Variants in LRRIQ1 observed in about 807,000 individuals in gnomAD.
LRRIQ1 encodes the protein leucine-rich repeat- and IQ domain-containing protein 1.
LRRIQ1 carries 210 observed loss-of-function variants against 211.9 expected under a neutral mutation model. The observed-to-expected ratio is 0.99, with a 90% CI of 0.89 to 1.11. The LOEUF (loss-of-function observed/expected upper bound fraction) is 1.11. LRRIQ1 is among the 50% of genes most tolerant of loss of function. The probability of loss-of-function intolerance (pLI) is 0.00; values close to 1 mark genes in which losing one functional copy is unlikely to be tolerated. For missense variants in LRRIQ1, 2,136 were observed against 1,939.5 expected (o/e 1.10, Z -1.90); for synonymous variants, 699 against 650.1 (o/e 1.08, Z -1.14).
intron 11 of LRRIQ1, among the ~76,000 whole-genome samples, chr12:85,095,950 G>C (rs1469873549): frequency 1.3e-5 from 2 of 151,954 alleles, no homozygotes; most frequent in African/African-American, 4.8e-5. Context: ...GATGTGAATA[G>C]AATTATTTAT....
chr12:85,232,387 G>C (rs1894983994), intron 25 of LRRIQ1, among the ~76,000 whole-genome samples: 1 of 152,020 alleles, frequency 6.6e-6, no homozygotes, highest in South Asian at 2.1e-4. Context: ...AAATGTTGAA[G>C]AATTCTATAA....
At chr12:85,065,123 G>A in intron 8 of LRRIQ1, 139 bp from the exon 9 acceptor site, 1 of 615,816 alleles carries the variant, frequency 1.6e-6, no homozygotes. Flanking sequence ...AACAAATTGA[G>A]TTGTTAATAA....
At chr12:85,141,876 A>C (rs966759746) in intron 19 of LRRIQ1, among the ~76,000 whole-genome samples, 2 of 148,868 alleles carry the variant, frequency 1.3e-5, no homozygotes, top group Non-Finnish European at 3.0e-5. Context: ...TTGTTTTTCT[A>C]TTTTTCCCTT....
At chr12:85,197,270 C>T (rs1363828687) in intron 24 of LRRIQ1, among the ~76,000 whole-genome samples, 4 of 151,390 alleles carry the variant, frequency 2.6e-5, no homozygotes, top group South Asian at 4.2e-4. Flanking sequence ...GTCAGTGTGG[C>T]GATTCCTCAG....
At chr12:85,174,565 G>C (rs1374094698) in intron 24 of LRRIQ1, among the ~76,000 whole-genome samples, 3 of 151,166 alleles carry the variant, frequency 2.0e-5, no homozygotes, top group Non-Finnish European at 4.4e-5. Flanking sequence ...AGCTGGGCAT[G>C]CTGCTGTGTG....
chr12:85,089,946 G>A (rs560953562), intron 11 of LRRIQ1, among the ~76,000 whole-genome samples: 104 of 152,288 alleles, frequency 6.8e-4, no homozygotes, highest in African/African-American at 2.4e-3. Context: ...AGGCATTACA[G>A]CGATCTAAGA....
intron 19 of LRRIQ1, among the ~76,000 whole-genome samples, chr12:85,146,295 G>A (rs572750921): frequency 6.6e-6 from 1 of 151,706 alleles, no homozygotes; most frequent in Non-Finnish European, 1.5e-5. Context: ...GGTGGTAATT[G>A]TCCACCCCAT....
At chr12:85,160,799 T>A in intron 24 of LRRIQ1, 85 bp downstream of exon 24, 1 of 643,958 alleles carries the variant, frequency 1.6e-6, no homozygotes, top group Non-Finnish European at 2.4e-6. Context: ...TTTTAATTCT[T>A]AATCATAAAG....
intron 24 of LRRIQ1, among the ~76,000 whole-genome samples, chr12:85,199,880 C>T (rs1235383015): frequency 6.6e-6 from 1 of 152,030 alleles, no homozygotes. Flanking sequence ...GGAACACAGC[C>T]AAAACATACC....
intron 16 of LRRIQ1, among the ~76,000 whole-genome samples, chr12:85,122,205 C>A (rs147748405): frequency 3.3e-5 from 5 of 152,152 alleles, no homozygotes; most frequent in African/African-American, 1.2e-4. Flanking sequence ...GACTATTTAT[C>A]CCCAAATAAT....
chr12:85,204,378 C>T (rs1324796035), intron 24 of LRRIQ1, among the ~76,000 whole-genome samples: 1 of 152,194 alleles, frequency 6.6e-6, no homozygotes, highest in East Asian at 1.9e-4. Context: ...GGGGCACCAC[C>T]TAGTATAGCT....
intron 1 of LRRIQ1, among the ~76,000 whole-genome samples, chr12:85,257,103 A>G (rs1315180325): frequency 4.5e-5 from 5 of 111,546 alleles, no homozygotes; most frequent in African/African-American, 6.5e-5. Context: ...ATAATTATAT[A>G]AATATATATA....
rs886301636 is a variant in LRRIQ1 at position 85,143,163 on chromosome 12, G to A, written c.4329+5194G>A. The stretch of plus-strand genomic sequence containing the variant: ...GATATAGCTATTTTAACATGTGTGA[G>A]GTGATATCTCATTGTGGTTTTAATC... On this transcript the variant is annotated intron_variant, in intron 19 of 26. Coordinates refer to ENST00000393217, the MANE Select transcript of LRRIQ1 (RefSeq NM_001079910.2). Among the ~76,000 whole-genome samples, 4 of 151,556 alleles carry A rather than the reference G, an allele frequency of 2.6e-5. No individual in the cohort carries two copies. In the Admixed American group the frequency reaches 2.6e-4, roughly 10 times the overall value.
chr12:85,254,466 C>T (rs2137312027), intron 1 of LRRIQ1, among the ~76,000 whole-genome samples: 1 of 152,194 alleles, frequency 6.6e-6, no homozygotes, highest in South Asian at 2.1e-4. Context: ...AGAAACATTT[C>T]ACATTTACCT....
At chr12:85,096,422 A>G (rs1243698789) in intron 11 of LRRIQ1, among the ~76,000 whole-genome samples, 1 of 152,158 alleles carries the variant, frequency 6.6e-6, no homozygotes, top group African/African-American at 2.4e-5. Context: ...TTGTTTAACC[A>G]AAAGGCATTC....
At chr12:85,248,184 ATCTT>A (rs770805201), downstream of LRRIQ1, among the ~76,000 whole-genome samples, 24 of 151,702 alleles carry the variant, frequency 1.6e-4, no homozygotes, top group Non-Finnish European at 3.0e-4. Flanking sequence ...TTTATACATT[ATCTT>A]TATTTATCTT....
downstream of LRRIQ1, among the ~76,000 whole-genome samples, chr12:85,266,188 TGTA>T (rs1244778337): frequency 2.6e-5 from 4 of 152,234 alleles, no homozygotes; most frequent in Non-Finnish European, 5.9e-5. Flanking sequence ...GCCCCTGACT[TGTA>T]ATCTATTTCA....
intron 24 of LRRIQ1, among the ~76,000 whole-genome samples, chr12:85,220,473 G>A (rs1565911711): frequency 6.6e-6 from 1 of 151,658 alleles, no homozygotes; most frequent in Admixed American, 6.6e-5. Context: ...AAAGAATAAT[G>A]TTTCCATTAA....
chr12:85,140,166 A>C (rs978554934), intron 19 of LRRIQ1, among the ~76,000 whole-genome samples: 2 of 151,342 alleles, frequency 1.3e-5, no homozygotes, highest in African/African-American at 4.8e-5. Context: ...TTGTTTTTGA[A>C]AATATTGAGT....
Sources: gnomAD v4.1 joint callset for allele counts (sites outside exome capture counted in the v4.1 genomes callset) on GRCh38, gnomAD v4.1.1 for gene constraint, MANE v1.5 for transcripts, NCBI Gene and HGNC (gene_info 2026-07-23, HGNC 2026-07-21) for gene names.